The following CNTNAP2 variants were observed in gnomAD, a reference collection of about 807,000 sequenced individuals.
CNTNAP2 encodes the protein contactin-associated protein-like 2.
CNTNAP2 carries 98 observed loss-of-function variants against 155.2 expected under a neutral mutation model. The ratio of observed to expected loss-of-function variants is 0.63; its 90% CI spans 0.54 to 0.75. The LOEUF (loss-of-function observed/expected upper bound fraction) is 0.75, where lower values mean the gene tolerates loss of function less well. Ranked by LOEUF, CNTNAP2 falls within the 30% of genes least tolerant of loss-of-function variation. The pLI is 0.00. For missense variants in CNTNAP2, 1,727 were observed against 1,688.1 expected (o/e 1.02, Z -0.40); for synonymous variants, 651 against 631.2 (o/e 1.03, Z -0.47).
intron 1 of CNTNAP2, among the ~76,000 whole-genome samples, chr7:146,581,140 C>T (rs1021831249): frequency 5.9e-5 from 9 of 152,048 alleles, no homozygotes; most frequent in East Asian, 1.9e-4. Context: ...ACAAAACATA[C>T]GGACCCAAGA....
intron 16 of CNTNAP2, among the ~76,000 whole-genome samples, chr7:148,141,460 C>T (rs376055430): frequency 2.0e-3 from 310 of 152,330 alleles, no homozygotes; most frequent in African/African-American, 6.9e-3. Context: ...CCATCTAGTT[C>T]GGCTGGCCTT....
At chr7:147,872,043 C>T (rs1337290257) in intron 13 of CNTNAP2, among the ~76,000 whole-genome samples, 2 of 152,142 alleles carry the variant, frequency 1.3e-5, no homozygotes, top group African/African-American at 4.8e-5. Flanking sequence ...GTGGCAGAGC[C>T]AGAAAGAGAA....
chr7:147,646,848 G>A (rs762768985), intron 13 of CNTNAP2, among the ~76,000 whole-genome samples: 3 of 152,204 alleles, frequency 2.0e-5, no homozygotes, highest in African/African-American at 7.2e-5. Flanking sequence ...CAAAGATCAC[G>A]TGGACTTATT....
chr7:147,027,008 A>AG (rs1442263124), intron 3 of CNTNAP2, among the ~76,000 whole-genome samples: 16 of 145,252 alleles, frequency 1.1e-4, no homozygotes, highest in African/African-American at 4.3e-4. Flanking sequence ...AGAACAGAAA[A>AG]AAAAAAAAAC....
At chr7:148,004,266 T>A (rs753193227) in intron 15 of CNTNAP2, among the ~76,000 whole-genome samples, 5 of 152,222 alleles carry the variant, frequency 3.3e-5, no homozygotes, top group Non-Finnish European at 5.9e-5. Context: ...ACACAGTTTC[T>A]AGTATGTGAT....
chr7:146,442,457 CAT>C (rs1491203424), intron 1 of CNTNAP2, among the ~76,000 whole-genome samples: 2 of 151,742 alleles, frequency 1.3e-5, no homozygotes, highest in Non-Finnish European at 2.9e-5. Context: ...TGTGCGTGCG[CAT>C]GTGTGTGTGT....
rs1029979 is a variant in CNTNAP2, at chr7:146,310,206, G to A, written c.97+193233G>A. 2.0e-3 allele frequency among the ~76,000 whole-genome samples: 301 copies of A among 152,128 alleles called. 1 individual carries two copies. The highest frequency in any genetic ancestry group is 6.9e-3 in the African/African-American group (288 of 41,492). On this transcript the variant is annotated intron_variant, in intron 1 of 23. Coordinates refer to ENST00000361727, the MANE Select transcript of CNTNAP2 (RefSeq NM_014141.6). ...GCTGTTTCTGTTCTCTTTGGTACAC[G>A]GTCTGCATAGTTAGTATGATAAATG...
intron 1 of CNTNAP2, among the ~76,000 whole-genome samples, chr7:146,453,977 A>T (rs1227360652): frequency 6.6e-6 from 1 of 152,172 alleles, no homozygotes; most frequent in Non-Finnish European, 1.5e-5. Context: ...GGAGTGAAAA[A>T]TTTCCAAATT....
At chr7:147,987,384 C>T (rs1801637246) in intron 15 of CNTNAP2, among the ~76,000 whole-genome samples, 1 of 152,186 alleles carries the variant, frequency 6.6e-6, no homozygotes, top group South Asian at 2.1e-4. Flanking sequence ...TTCTGTTTTA[C>T]AATTGACATG....
At chr7:147,743,610 A>T (rs1343454553) in intron 13 of CNTNAP2, among the ~76,000 whole-genome samples, 1 of 152,010 alleles carries the variant, frequency 6.6e-6, no homozygotes, top group Non-Finnish European at 1.5e-5. Context: ...TTTCTGCTTT[A>T]TTCCGGTTGC....
intron 15 of CNTNAP2, among the ~76,000 whole-genome samples, chr7:148,061,053 A>AT (rs959452425): frequency 6.6e-6 from 1 of 152,230 alleles, no homozygotes. Context: ...GATTTACTTA[A>AT]TTTTTTTAAA....
intron 9 of CNTNAP2, among the ~76,000 whole-genome samples, chr7:147,344,347 C>G (rs1293485369): frequency 6.6e-6 from 1 of 152,134 alleles, no homozygotes; most frequent in Non-Finnish European, 1.5e-5. Flanking sequence ...TATTTAGGGT[C>G]AGTCCTTTTC....
chr7:147,825,325 C>T (rs1252331905), intron 13 of CNTNAP2, among the ~76,000 whole-genome samples: 1 of 152,128 alleles, frequency 6.6e-6, no homozygotes, highest in Admixed American at 6.6e-5. Context: ...GGAGTATTGA[C>T]CCAGCAATTT....
intron 8 of CNTNAP2, among the ~76,000 whole-genome samples, chr7:147,287,911 G>A (rs909057653): frequency 1.3e-5 from 2 of 151,992 alleles, no homozygotes; most frequent in Non-Finnish European, 2.9e-5. Context: ...AACTTCCATC[G>A]TCTCTTGCCC....
intron 1 of CNTNAP2, among the ~76,000 whole-genome samples, chr7:146,381,776 G>A (rs1234357033): frequency 6.6e-6 from 1 of 152,080 alleles, no homozygotes; most frequent in Non-Finnish European, 1.5e-5. Context: ...AGGGACAGAA[G>A]TAAAGGACTA....
chr7:146,967,846 G>C (rs1021224581), intron 3 of CNTNAP2, among the ~76,000 whole-genome samples: 2 of 151,910 alleles, frequency 1.3e-5, no homozygotes, highest in Non-Finnish European at 2.9e-5. Context: ...CCAACACTAT[G>C]TTGAATAGGA....
chr7:146,900,942 C>G (rs1371199785), intron 3 of CNTNAP2, among the ~76,000 whole-genome samples: 2 of 152,066 alleles, frequency 1.3e-5, no homozygotes, highest in Admixed American at 1.3e-4. Flanking sequence ...AATGAATCCT[C>G]TGTCCTCATA....
intron 13 of CNTNAP2, among the ~76,000 whole-genome samples, chr7:147,648,474 C>T (rs113415532): frequency 2.3e-4 from 35 of 152,248 alleles, no homozygotes; most frequent in African/African-American, 7.2e-4. Flanking sequence ...TTCATTTTCA[C>T]GCTGCTGATA....
chr7:148,413,429 T>G (rs1245970883), intron 23 of CNTNAP2, among the ~76,000 whole-genome samples: 1 of 102,922 alleles, frequency 9.7e-6, no homozygotes, highest in African/African-American at 3.9e-5. Flanking sequence ...TATATATATA[T>G]ATATATATAT....
Sources: gnomAD v4.1 joint callset for allele counts (sites outside exome capture counted in the v4.1 genomes callset) on GRCh38, gnomAD v4.1.1 for gene constraint, MANE v1.5 for transcripts, NCBI Gene and HGNC (gene_info 2026-07-23, HGNC 2026-07-21) for gene names.